C4orf36: variants seen among roughly 807,000 people sequenced by gnomAD.
C4orf36 encodes chromosome 4 open reading frame 36.
In C4orf36, 11 loss-of-function variants were observed where a neutral mutation model predicts 12.2. That is an observed-to-expected ratio of 0.90 (90% CI 0.57 to 1.49). The LOEUF (loss-of-function observed/expected upper bound fraction) is 1.49. Ranked by LOEUF, C4orf36 falls within the 40% of genes most tolerant of loss-of-function variation. C4orf36 has a pLI of 0.00. For missense variants in C4orf36, 137 were observed against 133.9 expected (o/e 1.02, Z -0.11); for synonymous variants, 54 against 51.3 (o/e 1.05, Z -0.22).
the C4orf36 span, among the ~76,000 whole-genome samples, chr4:86,909,192 T>C: frequency 3.9e-5 from 6 of 152,330 alleles, no homozygotes; most frequent in East Asian, 1.2e-3. Context: ...CTGGGAACTA[T>C]AGTTCCAACT....
At chr4:86,876,727 A>T in intron 4 of C4orf36, 1 of 1,553,576 alleles carries the variant, frequency 6.4e-7, no homozygotes, top group Non-Finnish European at 8.7e-7. Context: ...GAATTTAGGA[A>T]AGTTCTCTGG....
chr4:86,877,157 A>C (rs1289844149), intron 4 of C4orf36, among the ~76,000 whole-genome samples: 1 of 152,218 alleles, frequency 6.6e-6, no homozygotes, highest in Non-Finnish European at 1.5e-5. Context: ...GGAGATTGTT[A>C]ATTTTTAAAG....
chr4:86,895,317 T>TA (rs1052290963), upstream of C4orf36, among the ~76,000 whole-genome samples: 186 of 148,230 alleles, frequency 1.3e-3, 1 homozygote, highest in South Asian at 3.0e-3. Flanking sequence ...CTGTCTCAAT[T>TA]AAAAAAAAAA....
chr4:86,886,913 C>T lies in C4orf36; in HGVS notation c.*2+845G>A, dbSNP rs981672484. ...ATTAAGAAAATGTGGCACAAATGCA[C>T]CATGGAATACTATGCAGCCATAAAA... On this transcript the variant is annotated intron_variant, in intron 4 of 4. Transcript: ENST00000295898. The T allele has an allele frequency of 5.9e-5, 9 of 152,272 alleles. 1 individual carries two copies. Among genetic ancestry groups the T allele is most frequent in the African/African-American group, 2.2e-4 (9 of 41,548 alleles). 9.4% of individuals were successfully genotyped at this position (152,272 alleles called of 1,614,324 possible). A position where few individuals can be genotyped will look rare whatever the true frequency, so the allele number is the denominator to read the frequency against.
At chr4:86,914,014 C>T in the C4orf36 span, 2 of 1,605,306 alleles carry the variant, frequency 1.2e-6, no homozygotes, top group East Asian at 4.5e-5. Flanking sequence ...TCACATGATC[C>T]TGCTGCCAGC....
chr4:86,916,171 G>A, the C4orf36 span, among the ~76,000 whole-genome samples: 1 of 152,096 alleles, frequency 6.6e-6, no homozygotes, highest in Admixed American at 6.5e-5. Flanking sequence ...CTAAGAATTT[G>A]GTTGGATGGT....
chr4:86,904,221 C>T, the C4orf36 span, among the ~76,000 whole-genome samples: 2 of 152,234 alleles, frequency 1.3e-5, no homozygotes, highest in Non-Finnish European at 2.9e-5. Context: ...CCAGCCGAGC[C>T]TGCGCCCACC....
upstream of C4orf36, among the ~76,000 whole-genome samples, chr4:86,896,889 A>G (rs1747602796): frequency 6.6e-6 from 1 of 152,200 alleles, no homozygotes; most frequent in Non-Finnish European, 1.5e-5. Context: ...GGAATGGCCC[A>G]TGAGTCTCCT....
chr4:86,879,286 A>G (rs768631805), intron 4 of C4orf36, among the ~76,000 whole-genome samples: 13 of 152,246 alleles, frequency 8.5e-5, no homozygotes, highest in Non-Finnish European at 1.9e-4. Flanking sequence ...GAGCTAACAG[A>G]GAAGATAAAC....
chr4:86,909,506 G>C, the C4orf36 span, among the ~76,000 whole-genome samples: 1 of 152,254 alleles, frequency 6.6e-6, no homozygotes, highest in African/African-American at 2.4e-5. Context: ...AATTAAGGAT[G>C]ATCACTGAAT....
intron 4 of C4orf36, among the ~76,000 whole-genome samples, chr4:86,884,197 CT>C (rs1198614199): frequency 1.1e-4 from 16 of 151,692 alleles, no homozygotes; most frequent in Admixed American, 1.1e-3. Context: ...ATAAGACCTT[CT>C]GTGTATTTTC....
At chr4:86,922,512 C>T in the C4orf36 span, among the ~76,000 whole-genome samples, 2 of 152,176 alleles carry the variant, frequency 1.3e-5, no homozygotes, top group African/African-American at 4.8e-5. Context: ...ATCCCATGAA[C>T]ATTTCTCATT....
chr4:86,917,402 AG>A, the C4orf36 span, among the ~76,000 whole-genome samples: 1 of 143,996 alleles, frequency 6.9e-6, no homozygotes, highest in Middle Eastern at 3.6e-3. Context: ...GGAAGGAGAG[AG>A]AAAGAGAGGA....
At chr4:86,877,787 A>G (rs1746962544) in intron 4 of C4orf36, among the ~76,000 whole-genome samples, 1 of 152,232 alleles carries the variant, frequency 6.6e-6, no homozygotes, top group African/African-American at 2.4e-5. Context: ...ATGGACCTAC[A>G]TGGATTATAA....
the C4orf36 span, among the ~76,000 whole-genome samples, chr4:86,906,728 CAAAAAA>C: frequency 5.8e-4 from 46 of 78,824 alleles, no homozygotes; most frequent in African/African-American, 2.3e-3. Context: ...AAGACGGTCT[CAAAAAA>C]AAAAAAAAAA....
At chr4:86,924,448 C>T in the C4orf36 span, among the ~76,000 whole-genome samples, 1 of 152,138 alleles carries the variant, frequency 6.6e-6, no homozygotes, top group East Asian at 1.9e-4. Flanking sequence ...TGATCCACCC[C>T]CCTCGGCCTC....
the C4orf36 span, chr4:86,914,375 C>T: frequency 9.3e-7 from 1 of 1,077,704 alleles, no homozygotes; most frequent in Non-Finnish European, 1.4e-6. Context: ...CCCCCCGGCT[C>T]CCGTTCTTCT....
chr4:86,902,418 CAAAAAAAAAAAAAAA>C, the C4orf36 span, among the ~76,000 whole-genome samples: 6 of 58,958 alleles, frequency 1.0e-4, no homozygotes, highest in African/African-American at 1.6e-4. Flanking sequence ...ATGAGACTCT[CAAAAAAAAAAAAAAA>C]AAAAAAAAAG....
chr4:86,918,534 C>G, the C4orf36 span, among the ~76,000 whole-genome samples: 1 of 152,138 alleles, frequency 6.6e-6, no homozygotes, highest in African/African-American at 2.4e-5. Flanking sequence ...ATTAGAAATA[C>G]AACTATGTGT....
Sources: gnomAD v4.1 joint callset for allele counts (sites outside exome capture counted in the v4.1 genomes callset) on GRCh38, gnomAD v4.1.1 for gene constraint, MANE v1.5 for transcripts, NCBI Gene and HGNC (gene_info 2026-07-23, HGNC 2026-07-21) for gene names.